ZNF790: variants seen among roughly 807,000 people sequenced by gnomAD.
ZNF790 encodes zinc finger protein 790.
A neutral mutation model predicts 12.1 loss-of-function variants in ZNF790; 8 were observed. That is an observed-to-expected ratio of 0.66 (90% CI 0.39 to 1.19). The LOEUF is 1.19. Among genes scored for constraint, ZNF790 ranks in the 50% most tolerant of loss-of-function variants. The pLI is 0.01. For synonymous variants in ZNF790, 252 were observed against 244.3 expected, an observed-to-expected ratio of 1.03 and a Z score of -0.29; for missense variants, 707 against 752.2, an observed-to-expected ratio of 0.94 and a Z score of 0.70.
intron 1 of ZNF790, 111 bp from the exon 2 acceptor site, chr19:36,825,803 T>G (rs777210209): frequency 1.5e-6 from 1 of 662,994 alleles, no homozygotes; most frequent in African/African-American, 1.8e-5. Context: ...GAAGAAATCC[T>G]GGCCCTATCC....
intron 4 of ZNF790, among the ~76,000 whole-genome samples, chr19:36,821,883 G>C (rs749981430): frequency 2.6e-5 from 4 of 152,144 alleles, no homozygotes; most frequent in Non-Finnish European, 5.9e-5. Context: ...CACCGCGTCT[G>C]GCTGGGCTTG....
At chr19:36,827,141 C>CACACACACACACACACATAT (rs1313807327) in intron 1 of ZNF790, among the ~76,000 whole-genome samples, 22 of 84,438 alleles carry the variant, frequency 2.6e-4, no homozygotes, top group African/African-American at 1.1e-3. Context: ...CACACACACA[C>CACACACACACACACACATAT]ATATATATAT....
chr19:36,834,687 C>T (rs2072008258), intron 1 of ZNF790, among the ~76,000 whole-genome samples: 1 of 152,154 alleles, frequency 6.6e-6, no homozygotes, highest in Non-Finnish European at 1.5e-5. Flanking sequence ...CTCTTACTCA[C>T]CAATTCCTCT....
At chr19:36,849,731 A>G (rs2072224343) in intron 1 of ZNF790, among the ~76,000 whole-genome samples, 1 of 151,982 alleles carries the variant, frequency 6.6e-6, no homozygotes, top group Non-Finnish European at 1.5e-5. Context: ...TCATAGTATC[A>G]GCTACCCACG....
chr19:36,832,274 T>C (rs1413932341), intron 1 of ZNF790, among the ~76,000 whole-genome samples: 4 of 152,206 alleles, frequency 2.6e-5, no homozygotes, highest in Non-Finnish European at 5.9e-5. Flanking sequence ...AGCGGAATTA[T>C]GGTAGCCAGC....
At chr19:36,824,387 A>G (rs958238848) in intron 2 of ZNF790, among the ~76,000 whole-genome samples, 1 of 151,892 alleles carries the variant, frequency 6.6e-6, no homozygotes, top group African/African-American at 2.4e-5. Context: ...ACTCACTGCA[A>G]CCTCTGCCTC....
Position 36,823,744 on chromosome 19 carries a change from C to T in ZNF790, c.56G>A (p.Trp19Ter). 2 of 1,613,350 alleles carry T rather than the reference C, an allele frequency of 1.2e-6. No individual in the cohort carries two copies. Among genetic ancestry groups the T allele is most frequent in the Non-Finnish European group, 1.7e-6 (2 of 1,179,710 alleles). ...CCTCTGTTCCAGGTCCAGGCACTCC[C>T]ACTCCTCCTGAGAGAAATCTACAGC... The part of the protein sequence containing the change: ...DVAVDFSQEE[W>*]ECLDLEQRDL... The change falls in exon 3 of 5, where the codon TGG (tryptophan) becomes TAG (stop). Residue 19 changes from tryptophan to a stop codon, truncating the protein, a stop_gained. Transcript: ENST00000356725. LOFTEE classifies it high-confidence loss of function.
At chr19:36,848,089 G>A (rs1254427553) in intron 1 of ZNF790, among the ~76,000 whole-genome samples, 1 of 152,122 alleles carries the variant, frequency 6.6e-6, no homozygotes, top group Non-Finnish European at 1.5e-5. Context: ...AAGTACTAAG[G>A]GACTAAGACA....
In ZNF790 at chr19:36,818,467, A is replaced by G. The variant is rs755799324; in HGVS notation, c.1877T>C (p.Phe626Ser). ...TGAAATGAAGTGAGAGCTTGAAGAA[A>G]ATGCTTTCTCAAAATCTTTAAATTC... ...SYEFKDFEKA[F>S]SSSSHFISLL Residue 626 changes from phenylalanine (F) to serine (S), a missense_variant, in exon 5 of 5, where the codon TTT becomes TCT. Physicochemically the swap from Phe to Ser is radical, Grantham distance 155. Coordinates refer to ENST00000356725, the MANE Select transcript of ZNF790 (RefSeq NM_206894.4). The G allele has an allele frequency of 3.8e-6, 6 of 1,567,772 alleles. No homozygotes were observed. The East Asian group carries it at 1.1e-4, about 30-fold the overall frequency.
At position 36,827,141 on chromosome 19, in the gene ZNF790, C is replaced by CATATAT. The variant is rs369671729; in HGVS notation, c.-73-1455_-73-1450dup. ...ATACACACACACACACACACACACA[C>CATATAT]ATATATATATATATATATATATATA... On this transcript the variant is annotated intron_variant, in intron 1 of 4. Transcript: ENST00000356725. Among the ~76,000 whole-genome samples the CATATAT allele has an allele frequency of 5.0e-3, 419 of 84,392 alleles. 19 individuals are homozygous for CATATAT. Among genetic ancestry groups the CATATAT allele is most frequent in the East Asian group, 0.041 (84 of 2,050 alleles). 55.4% of individuals were successfully genotyped at this position (84,392 alleles called of 152,430 possible). A position where few individuals can be genotyped will look rare whatever the true frequency, so the allele number is the denominator to read the frequency against.
At position 36,823,750 on chromosome 19, in the gene ZNF790, T is replaced by G. The variant is rs2071728822; in HGVS notation, c.50A>C (p.Glu17Ala). Residue 17 changes from glutamate to alanine, a missense_variant, in exon 3 of 5, where the codon GAG becomes GCG. Glu to Ala is a moderately radical substitution (Grantham distance 107). Coordinates refer to ENST00000356725, the MANE Select transcript of ZNF790 (RefSeq NM_206894.4). ...FRDVAVDFSQ[E>A]EWECLDLEQR... Reference sequence around the variant, plus strand: ...TTCCAGGTCCAGGCACTCCCACTCCTCCTGAGAGAAATCTACAGCCACATC... The same window carrying G: ...TTCCAGGTCCAGGCACTCCCACTCCGCCTGAGAGAAATCTACAGCCACATC... The G allele has an allele frequency of 1.2e-6, 2 of 1,613,034 alleles. No individual in the cohort carries two copies. The highest frequency in any genetic ancestry group is 1.7e-6 in the Non-Finnish European group (2 of 1,179,642).
At position 36,819,945 on chromosome 19, in the gene ZNF790, ATTATC is replaced by A; in HGVS notation, c.394_398del (p.Asp132SerfsTer13). The A allele has an allele frequency of 6.2e-7, 1 of 1,614,040 alleles. No individual in the cohort carries two copies. Among genetic ancestry groups the A allele is most frequent in the Non-Finnish European group, 8.5e-7 (1 of 1,180,008 alleles). ...TCACCTGCTTGAAGCATTCCTCTTG[ATTATC>A]TTGAAGTGTTTGAAACTGAGTGTTG... On this transcript the variant is annotated frameshift_variant, in exon 5 of 5. Coordinates refer to ENST00000356725, the MANE Select transcript of ZNF790 (RefSeq NM_206894.4). LOFTEE classifies it low-confidence loss of function (END_TRUNC).
At position 36,823,766 on chromosome 19, in the gene ZNF790, C is replaced by T. The variant is rs140920985; in HGVS notation, c.34G>A (p.Val12Ile). The T allele has an allele frequency of 3.0e-3, 4,884 of 1,612,314 alleles. 17 individuals carry two copies. Among genetic ancestry groups the T allele is most frequent in the Non-Finnish European group, 3.7e-3 (4,409 of 1,179,494 alleles). Reference protein sequence around the residue: ...AHLMMFRDVAVDFSQEEWECL... With the variant: ...AHLMMFRDVAIDFSQEEWECL... ...TCCCACTCCTCCTGAGAGAAATCTA[C>T]AGCCACATCCCTGAACATCATCAAC... Residue 12 changes from valine (V) to isoleucine (I), a missense_variant, in exon 3 of 5, where the codon GTA (valine) becomes ATA (isoleucine). Transcript: ENST00000356725.
intron 1 of ZNF790, among the ~76,000 whole-genome samples, chr19:36,832,266 C>T (rs969733543): frequency 5.9e-5 from 9 of 152,056 alleles, no homozygotes; most frequent in African/African-American, 1.2e-4. Context: ...ATAGTAAAAG[C>T]GGAATTATGG....
chr19:36,823,273 G>C lies in ZNF790; in HGVS notation c.229+12C>G, dbSNP rs781779806. On this transcript the variant is annotated intron_variant, in intron 4 of 4. Transcript: ENST00000356725. ...ACAATGGCCTCCTTGTGCGTGTTCA[G>C]CCCTCACTCACCTGGGCAAGGTCCT... The C allele has an allele frequency of 2.5e-6, 4 of 1,610,284 alleles. No homozygotes were observed. The highest frequency in any genetic ancestry group is 3.4e-6 in the Non-Finnish European group (4 of 1,176,742).
At chr19:36,828,057 A>G (rs2071868070) in intron 1 of ZNF790, 1 of 152,190 alleles carries the variant, frequency 6.6e-6, no homozygotes, top group African/African-American at 2.4e-5. Context: ...TTCCAAGAAG[A>G]GTGAAGGGCT....
intron 1 of ZNF790, among the ~76,000 whole-genome samples, chr19:36,829,296 G>A (rs930844835): frequency 1.6e-4 from 24 of 152,170 alleles, no homozygotes; most frequent in African/African-American, 5.3e-4. Context: ...ACTGCCACAT[G>A]TGCCCCATAC....
chr19:36,839,282 T>C (rs2072107664), upstream of ZNF790, among the ~76,000 whole-genome samples: 1 of 152,242 alleles, frequency 6.6e-6, no homozygotes. Context: ...TCTTTTTTTA[T>C]TGTGAAACAG....
intron 1 of ZNF790, among the ~76,000 whole-genome samples, chr19:36,848,150 C>T (rs2072196953): frequency 6.6e-6 from 1 of 152,226 alleles, no homozygotes; most frequent in Non-Finnish European, 1.5e-5. Context: ...GATGTCTTTA[C>T]TGTTCATTAA....
Sources: allele counts gnomAD v4.1 joint callset (sites outside exome capture counted in the v4.1 genomes callset), GRCh38; gene constraint gnomAD v4.1.1; transcripts MANE v1.5; gene names NCBI Gene and HGNC (gene_info 2026-07-23, HGNC 2026-07-21).